The following SNX9 variants were observed in gnomAD, a reference collection of about 807,000 sequenced individuals.
SNX9 encodes the protein sorting nexin-9.
SNX9 carries 44 observed loss-of-function variants against 89.4 expected under a neutral mutation model. That is an observed-to-expected ratio of 0.49 (90% confidence interval 0.39 to 0.63). The LOEUF is 0.63. Among genes scored for constraint, SNX9 ranks in the 30% least tolerant of loss-of-function variants. The pLI is 0.00. For synonymous variants in SNX9, 236 were observed against 247.8 expected (o/e 0.95, Z 0.45); for missense variants, 578 against 736.1 (o/e 0.79, Z 2.49).
intron 12 of SNX9, among the ~76,000 whole-genome samples, chr6:157,931,888 G>A (rs191420190): frequency 1.7e-3 from 256 of 152,290 alleles, no homozygotes; most frequent in Admixed American, 3.3e-3. Flanking sequence ...GCGCGGTGTC[G>A]CTAGAAGTAC....
chr6:157,848,945 A>T (rs1781856222), intron 1 of SNX9, among the ~76,000 whole-genome samples: 1 of 152,164 alleles, frequency 6.6e-6, no homozygotes. Context: ...TGACATGTTT[A>T]TGGAATTGAA....
intron 4 of SNX9, among the ~76,000 whole-genome samples, chr6:157,875,994 T>TA (rs898301602): frequency 6.9e-4 from 103 of 149,890 alleles, no homozygotes; most frequent in African/African-American, 2.1e-3. Flanking sequence ...AAAAAAAAGT[T>TA]AAAAAAAAAG....
Position 157,925,618 on chromosome 6 carries a change from C to T in SNX9, c.1081-1493C>T, listed in dbSNP as rs550769564. Among the ~76,000 whole-genome samples the T allele has an allele frequency of 2.7e-3, 407 of 152,016 alleles. 2 individuals are homozygous for T. The highest frequency in any genetic ancestry group is 4.7e-3 in the Non-Finnish European group (318 of 67,994). On this transcript the variant is annotated intron_variant, in intron 10 of 17. Coordinates refer to ENST00000392185, the MANE Select transcript of SNX9 (RefSeq NM_016224.5). The stretch of plus-strand genomic sequence containing the variant: ...ATTACTCATAAAGTAGAATATTATA[C>T]AGCAATGAAATGAATGAACTGTAGT...
chr6:157,929,082 T>C (rs1209465878), intron 12 of SNX9, among the ~76,000 whole-genome samples: 2 of 152,210 alleles, frequency 1.3e-5, no homozygotes, highest in African/African-American at 2.4e-5. Context: ...ACTAAAACCA[T>C]AGTGTTTAGA....
At chr6:157,863,418 C>T (rs1782188071) in intron 1 of SNX9, among the ~76,000 whole-genome samples, 1 of 152,142 alleles carries the variant, frequency 6.6e-6, no homozygotes, top group African/African-American at 2.4e-5. Context: ...GGAACAGATA[C>T]GTGAGATTGA....
At chr6:157,921,990 G>A (rs34156092) in intron 10 of SNX9, among the ~76,000 whole-genome samples, 5,358 of 152,306 alleles carry the variant, frequency 0.035, 127 homozygotes, top group Non-Finnish European at 0.057. Flanking sequence ...GGTATTATCA[G>A]CATGAAGTGA....
chr6:157,900,836 G>A (rs1214255796), intron 5 of SNX9, among the ~76,000 whole-genome samples: 1 of 152,162 alleles, frequency 6.6e-6, no homozygotes, highest in Non-Finnish European at 1.5e-5. Flanking sequence ...TGCAGCAAAA[G>A]CTGGTTACAA....
chr6:157,871,875 T>G (rs1280102266), intron 2 of SNX9, among the ~76,000 whole-genome samples: 1 of 151,216 alleles, frequency 6.6e-6, no homozygotes, highest in Non-Finnish European at 1.5e-5. Context: ...CTTCTGGGTT[T>G]AAGCAATTCT....
chr6:157,932,262 T>G lies in SNX9; in HGVS notation c.1356T>G (p.Ser452Arg), dbSNP rs150087476. The G allele has an allele frequency of 3.8e-5, 62 of 1,614,022 alleles. No individual in the cohort carries two copies. The African/African-American group carries it at 6.8e-4, about 18-fold the overall frequency. Residue 452 changes from serine (S) to arginine (R), a missense_variant, in exon 13 of 18, where the codon AGT (serine) becomes AGG (arginine). This residue lies in a region of SNX9 where 348 missense variants were observed against 491.4 expected (regional missense o/e 0.71). Transcript: ENST00000392185. ...LQSLATVFSS[S>R]GYQGETDLND... ...GTTTGGCCACAGTGTTCAGTTCCAGTGGCTATCAAGGTGCGTCTTTCTTCA... is the reference window on the plus strand; with the variant it reads ...GTTTGGCCACAGTGTTCAGTTCCAGGGGCTATCAAGGTGCGTCTTTCTTCA...
At chr6:157,891,027 CTTTTTTT>C (rs67186551) in intron 4 of SNX9, among the ~76,000 whole-genome samples, 4 of 114,920 alleles carry the variant, frequency 3.5e-5, no homozygotes, top group South Asian at 3.0e-4. Context: ...TTTTCTTTCT[CTTTTTTT>C]TTTTTTTTTT....
intron 10 of SNX9, among the ~76,000 whole-genome samples, chr6:157,922,614 A>G (rs956893219): frequency 2.6e-5 from 4 of 152,236 alleles, no homozygotes; most frequent in African/African-American, 9.6e-5. Flanking sequence ...GTGTATGCAT[A>G]CACTTAACAT....
intron 1 of SNX9, 101 bp from the exon 2 acceptor site, chr6:157,867,446 T>G: frequency 1.1e-6 from 1 of 881,792 alleles, no homozygotes; most frequent in Non-Finnish European, 1.8e-6. Context: ...GCCACTATCA[T>G]GTTTGTACCA....
chr6:157,874,955 A>G, intron 3 of SNX9, 96 bp from the exon 4 acceptor site: 1 of 1,366,144 alleles, frequency 7.3e-7, no homozygotes, highest in African/African-American at 1.5e-5. Context: ...AGCATTGAAG[A>G]ATATAAACCC....
intron 1 of SNX9, among the ~76,000 whole-genome samples, chr6:157,834,157 T>TTTG (rs1781531160): frequency 1.3e-5 from 1 of 79,950 alleles, no homozygotes; most frequent in Non-Finnish European, 2.5e-5. Context: ...GTGGTTTTTT[T>TTTG]TTTTTTTTTT....
chr6:157,853,751 T>C (rs933764593), intron 1 of SNX9, among the ~76,000 whole-genome samples: 3 of 151,848 alleles, frequency 2.0e-5, no homozygotes, highest in East Asian at 1.9e-4. Context: ...GAAATAGTTA[T>C]GCCACAATTT....
Position 157,909,736 on chromosome 6 carries a change from A to G in SNX9, c.777A>G (p.Lys259=), listed in dbSNP as rs768715969. 4.3e-6 allele frequency: 7 copies of G among 1,614,184 alleles called. No individual in the cohort carries two copies. In the South Asian group the frequency reaches 6.6e-5, roughly 15 times the overall value. The part of the protein sequence containing the change: ...TFDCVVADPR[K]GSKMYGLKSY... ...ACTGTGTGGTAGCAGATCCCAGGAA[A>G]GGCTCCAAAATGTATGGTCTAAAGA... Residue 259 remains lysine (K), a synonymous_variant, in exon 8 of 18, where the codon AAA becomes AAG. Coordinates refer to ENST00000392185, the MANE Select transcript of SNX9 (RefSeq NM_016224.5).
chr6:157,902,396 CTGTTT>C (rs1424101330), intron 6 of SNX9, among the ~76,000 whole-genome samples: 1 of 152,122 alleles, frequency 6.6e-6, no homozygotes, highest in African/African-American at 2.4e-5. Context: ...AAATGTTTTA[CTGTTT>C]TGTTAATCAC....
chr6:157,882,347 C>G (rs1782644121), intron 4 of SNX9, among the ~76,000 whole-genome samples: 1 of 152,182 alleles, frequency 6.6e-6, no homozygotes, highest in Non-Finnish European at 1.5e-5. Flanking sequence ...CCCCTGGTCA[C>G]CTAAGAGCGC....
intron 4 of SNX9, chr6:157,892,806 C>G (rs1263304573): frequency 1.3e-5 from 2 of 152,218 alleles, no homozygotes; most frequent in African/African-American, 2.4e-5. Flanking sequence ...GCTCACAGTC[C>G]TGTGTTCCTT....
Sources: allele counts gnomAD v4.1 joint callset (sites outside exome capture counted in the v4.1 genomes callset), GRCh38; gene constraint gnomAD v4.1.1; regional missense constraint gnomAD v4.1.1; transcripts MANE v1.5; gene names NCBI Gene and HGNC (gene_info 2026-07-23, HGNC 2026-07-21).